DNAAF4: variants seen among roughly 807,000 people sequenced by gnomAD.
DNAAF4 encodes dynein axonemal assembly factor 4.
DNAAF4 carries 43 observed loss-of-function variants against 51.8 expected under a neutral mutation model. The ratio of observed to expected loss-of-function variants is 0.83; its 90% CI spans 0.65 to 1.07. The LOEUF is 1.07. DNAAF4 is among the 50% of genes least tolerant of loss of function. The pLI is 0.00. For missense variants in DNAAF4, 581 were observed against 493.0 expected, an observed-to-expected ratio of 1.18 and a Z score of -1.69; for synonymous variants, 194 against 165.6, an observed-to-expected ratio of 1.17 and a Z score of -1.32.
At chr15:55,486,359 A>C (rs1044957617) in intron 4 of DNAAF4, among the ~76,000 whole-genome samples, 5 of 151,858 alleles carry the variant, frequency 3.3e-5, no homozygotes, top group African/African-American at 1.2e-4. Flanking sequence ...ACGCCCAGCT[A>C]ATTTTTGTAT....
chr15:55,488,939 A>C (rs1033150030), intron 4 of DNAAF4, among the ~76,000 whole-genome samples: 2 of 152,042 alleles, frequency 1.3e-5, no homozygotes, highest in African/African-American at 4.8e-5. Flanking sequence ...ATACAAAAAA[A>C]TTAGCCAGGC....
intron 7 of DNAAF4, 117 bp from the exon 8 acceptor site, chr15:55,435,175 G>T: frequency 9.1e-7 from 1 of 1,093,450 alleles, no homozygotes; most frequent in Non-Finnish European, 1.3e-6. Context: ...TTCTCTTTAG[G>T]GTAAACGTTG....
In DNAAF4 at chr15:55,419,688, G is replaced by A. The variant is rs2057371353; in HGVS notation, c.1048-1555C>T. Among the ~76,000 whole-genome samples the A allele has an allele frequency of 1.3e-5, 2 of 152,158 alleles. 1 individual carries two copies. Among genetic ancestry groups the A allele is most frequent in the South Asian group, 4.1e-4 (2 of 4,830 alleles). On this transcript the variant is annotated intron_variant, in intron 7 of 7. Transcript: ENST00000448430. ...AATAGAGATACAGAAATAAAAGACAGTGATTTTTGTTTTAATTAACAATAT... is the reference window on the plus strand; with the variant it reads ...AATAGAGATACAGAAATAAAAGACAATGATTTTTGTTTTAATTAACAATAT...
chr15:55,449,666 C>A (rs893061879), intron 6 of DNAAF4, among the ~76,000 whole-genome samples: 1 of 133,778 alleles, frequency 7.5e-6, no homozygotes, highest in Non-Finnish European at 1.6e-5. Flanking sequence ...AACTCCATCT[C>A]TAAAACAAAC....
At chr15:55,481,432 T>C (rs376082303) in intron 4 of DNAAF4, among the ~76,000 whole-genome samples, 5 of 152,190 alleles carry the variant, frequency 3.3e-5, no homozygotes, top group East Asian at 3.8e-4. Flanking sequence ...TGTACTTACA[T>C]TGATTTTTGG....
chr15:55,503,779 A>T (rs1240078217), intron 1 of DNAAF4, among the ~76,000 whole-genome samples: 1 of 152,220 alleles, frequency 6.6e-6, no homozygotes, highest in Non-Finnish European at 1.5e-5. Flanking sequence ...GTATCTCAAA[A>T]TAATAAGAGC....
chr15:55,440,151 C>G (rs532351236), intron 6 of DNAAF4, among the ~76,000 whole-genome samples: 1 of 151,798 alleles, frequency 6.6e-6, no homozygotes, highest in Non-Finnish European at 1.5e-5. Flanking sequence ...CTCCCAGGTT[C>G]AAGTGATTCT....
At chr15:55,452,368 T>C (rs2057949426) in intron 5 of DNAAF4, among the ~76,000 whole-genome samples, 1 of 150,862 alleles carries the variant, frequency 6.6e-6, no homozygotes, top group Non-Finnish European at 1.5e-5. Flanking sequence ...TAATACGATA[T>C]AGAACATGCA....
intron 7 of DNAAF4, among the ~76,000 whole-genome samples, chr15:55,437,844 T>G (rs565518069): frequency 6.6e-6 from 1 of 152,308 alleles, no homozygotes; most frequent in Non-Finnish European, 1.5e-5. Context: ...ACACCTAATT[T>G]TGGCCCAGTG....
chr15:55,437,837 C>A (rs1341120270), intron 7 of DNAAF4, among the ~76,000 whole-genome samples: 2 of 152,114 alleles, frequency 1.3e-5, no homozygotes. Context: ...GCAGTTGACA[C>A]CTAATTTTGG....
At chr15:55,418,497 A>C (rs1343282177) in intron 7 of DNAAF4, 1 of 1,528,146 alleles carries the variant, frequency 6.5e-7, no homozygotes, top group African/African-American at 1.4e-5. Flanking sequence ...GGATTTTATC[A>C]AAATAACACT....
At chr15:55,483,351 T>C (rs2058438127) in intron 4 of DNAAF4, among the ~76,000 whole-genome samples, 3 of 151,838 alleles carry the variant, frequency 2.0e-5, no homozygotes, top group Admixed American at 2.0e-4. Context: ...CCCCTCAGCC[T>C]CCCAAAGTGC....
intron 3 of DNAAF4, among the ~76,000 whole-genome samples, chr15:55,493,027 C>A (rs1410523748): frequency 6.6e-6 from 1 of 152,110 alleles, no homozygotes; most frequent in Non-Finnish European, 1.5e-5. Flanking sequence ...AAAATCCCAA[C>A]CCTTAATGTG....
chr15:55,435,055 T>C lies in DNAAF4; in HGVS notation c.897A>G (p.Lys299=), dbSNP rs985875254. 2 of 1,585,368 alleles carry C rather than the reference T, an allele frequency of 1.3e-6. No individual in the cohort carries two copies. Among genetic ancestry groups the C allele is most frequent in the Non-Finnish European group, 8.5e-7 (1 of 1,171,424 alleles). Residue 299 remains lysine, a synonymous_variant, in exon 8 of 10, where the codon AAA becomes AAG. Transcript: ENST00000321149. The stretch of plus-strand genomic sequence containing the variant: ...CCAAATAGTTTTCCGTTGCAAACAA[T>C]TTGCTAATGAGACAAAAACAGAGAA... ...NPEWLKDKGN[K]LFATENYLAA...
At chr15:55,440,302 C>T (rs952736989) in intron 6 of DNAAF4, among the ~76,000 whole-genome samples, 29 of 152,104 alleles carry the variant, frequency 1.9e-4, no homozygotes, top group Non-Finnish European at 1.2e-4. Context: ...CCACCCACCT[C>T]GGAATCCCAA....
At chr15:55,423,149 G>A (rs73408809) in intron 7 of DNAAF4, among the ~76,000 whole-genome samples, 26,679 of 146,884 alleles carry the variant, frequency 0.18, 4,093 homozygotes, top group African/African-American at 0.42. Flanking sequence ...TGGGGCAATA[G>A]CTAGATGTAG....
chr15:55,451,256 G>C lies in DNAAF4; in HGVS notation c.638-889C>G, dbSNP rs368327595. 6.6e-5 allele frequency among the ~76,000 whole-genome samples: 10 copies of C among 152,310 alleles called. No homozygotes were observed. The South Asian group carries it at 1.7e-3, about 25-fold the overall frequency. On this transcript the variant is annotated intron_variant, in intron 5 of 9. Transcript: ENST00000321149. Reference sequence around the variant, plus strand: ...CAGGATGGCCTTGTAGAACACAGTCGTTGAGCACTGTTGCATAACAAAGTA... The same window carrying C: ...CAGGATGGCCTTGTAGAACACAGTCCTTGAGCACTGTTGCATAACAAAGTA...
chr15:55,463,169 G>GTC (rs886694338), intron 5 of DNAAF4, among the ~76,000 whole-genome samples: 27 of 72,216 alleles, frequency 3.7e-4, no homozygotes, highest in African/African-American at 1.9e-3. Context: ...GTGAGACTCT[G>GTC]TCTCACACAC....
chr15:55,463,511 T>C (rs2058124980), intron 5 of DNAAF4, among the ~76,000 whole-genome samples: 1 of 152,132 alleles, frequency 6.6e-6, no homozygotes, highest in Non-Finnish European at 1.5e-5. Context: ...TGTTGGCCAA[T>C]GATATGATCG....
Sources: allele counts gnomAD v4.1 joint callset (sites outside exome capture counted in the v4.1 genomes callset), GRCh38; gene constraint gnomAD v4.1.1; transcripts MANE v1.5; gene names NCBI Gene and HGNC (gene_info 2026-07-23, HGNC 2026-07-21).